C10orf90: variants seen among roughly 807,000 people sequenced by gnomAD.
The protein encoded by C10orf90 is (E2-independent) E3 ubiquitin-conjugating enzyme FATS.
A neutral mutation model predicts 62.5 loss-of-function variants in C10orf90; 56 were observed. The observed-to-expected ratio is 0.90, with a 90% CI of 0.72 to 1.12. The LOEUF (loss-of-function observed/expected upper bound fraction) is 1.12, where lower values mean the gene tolerates loss of function less well. Ranked by LOEUF, C10orf90 falls within the 50% of genes most tolerant of loss-of-function variation. The pLI is 0.00. For missense variants in C10orf90, 970 were observed against 880.4 expected (o/e 1.10, Z -1.29); for synonymous variants, 386 against 340.4 (o/e 1.13, Z -1.47).
At chr10:126,611,046 G>A (rs1379472897) in intron 2 of C10orf90, among the ~76,000 whole-genome samples, 1 of 152,058 alleles carries the variant, frequency 6.6e-6, no homozygotes, top group Non-Finnish European at 1.5e-5. Flanking sequence ...TGGTTTTTAA[G>A]TATATTCTCG....
chr10:126,464,603 G>C (rs575431312), intron 5 of C10orf90, 93 bp downstream of exon 5: 1 of 1,314,710 alleles, frequency 7.6e-7, no homozygotes, highest in Admixed American at 2.1e-5. Context: ...TCAGGTGAAC[G>C]GTGACAGTAT....
At chr10:126,542,586 A>G (rs562269858) in intron 2 of C10orf90, among the ~76,000 whole-genome samples, 18 of 152,226 alleles carry the variant, frequency 1.2e-4, no homozygotes, top group Non-Finnish European at 1.8e-4. Flanking sequence ...TAGCATTGCA[A>G]ATGCACTAAA....
At chr10:126,646,110 G>T (rs1308075226) in intron 2 of C10orf90, among the ~76,000 whole-genome samples, 2 of 152,180 alleles carry the variant, frequency 1.3e-5, no homozygotes, top group African/African-American at 4.8e-5. Context: ...TAAAAGTTAT[G>T]AACTGTAACC....
intron 2 of C10orf90, among the ~76,000 whole-genome samples, chr10:126,618,730 T>C (rs772681306): frequency 1.3e-5 from 2 of 152,212 alleles, no homozygotes; most frequent in African/African-American, 4.8e-5. Flanking sequence ...GGAATCACCA[T>C]GCTGACTTTT....
At chr10:126,445,642 G>A (rs1026741952) in intron 7 of C10orf90, among the ~76,000 whole-genome samples, 3 of 152,036 alleles carry the variant, frequency 2.0e-5, no homozygotes, top group African/African-American at 7.2e-5. Flanking sequence ...ACTATCGTTT[G>A]ATTCAGCAAT....
chr10:126,527,313 G>T (rs1206658829), intron 2 of C10orf90, among the ~76,000 whole-genome samples: 1 of 152,298 alleles, frequency 6.6e-6, no homozygotes, highest in East Asian at 1.9e-4. Flanking sequence ...AATGGCTAAT[G>T]ATGTGGAGCA....
chr10:126,553,309 G>T (rs957631917), intron 2 of C10orf90, among the ~76,000 whole-genome samples: 1 of 151,982 alleles, frequency 6.6e-6, no homozygotes, highest in South Asian at 2.1e-4. Flanking sequence ...GAAAAAGATA[G>T]AAAACACAAT....
In C10orf90 at chr10:126,426,297, A is replaced by G. The variant is rs78588187; in HGVS notation, c.2253-207T>C. ...CATAGCAGGGGATGGCACCTTGTCCAGTGCTACGTGGGGCAATGCAACAGG... is the reference window on the plus strand; with the variant it reads ...CATAGCAGGGGATGGCACCTTGTCCGGTGCTACGTGGGGCAATGCAACAGG... On this transcript the variant is annotated intron_variant, in intron 8 of 9. Coordinates refer to ENST00000488181, the MANE Select transcript of C10orf90 (RefSeq NM_001350921.2). Among the ~76,000 whole-genome samples the G allele has an allele frequency of 5.8e-3, 885 of 152,354 alleles. 7 individuals carry two copies. Among genetic ancestry groups the G allele is most frequent in the African/African-American group, 0.02 (836 of 41,592 alleles).
intron 4 of C10orf90, among the ~76,000 whole-genome samples, chr10:126,473,642 G>A (rs1270151517): frequency 6.8e-6 from 1 of 147,026 alleles, no homozygotes; most frequent in East Asian, 2.0e-4. Flanking sequence ...CCCACCTCTG[G>A]ATTTTTATTT....
intron 2 of C10orf90, among the ~76,000 whole-genome samples, chr10:126,624,357 G>A (rs1212737335): frequency 6.6e-6 from 1 of 152,046 alleles, no homozygotes; most frequent in Non-Finnish European, 1.5e-5. Context: ...AAAAAAAAGA[G>A]AGAGAGACTC....
At chr10:126,579,521 A>G (rs2134013820) in intron 2 of C10orf90, among the ~76,000 whole-genome samples, 1 of 152,252 alleles carries the variant, frequency 6.6e-6, no homozygotes, top group East Asian at 1.9e-4. Flanking sequence ...GCTTAAAGGC[A>G]TGAGCCACCG....
At chr10:126,519,161 TA>T (rs1173504926) in intron 2 of C10orf90, among the ~76,000 whole-genome samples, 1 of 151,828 alleles carries the variant, frequency 6.6e-6, no homozygotes. Context: ...TGGGTTTAGA[TA>T]AAGGTGAACA....
In C10orf90 at chr10:126,503,894, C is replaced by A. The variant is rs955765502; in HGVS notation, c.1534+63G>T. On this transcript the variant is annotated intron_variant, in intron 4 of 9. Transcript: ENST00000488181. ...ATAAGTTTTGTATAAGAAATTCACTCAACAGTCACCTTGCTAGGACATTTA... is the reference window on the plus strand; with the variant it reads ...ATAAGTTTTGTATAAGAAATTCACTAAACAGTCACCTTGCTAGGACATTTA... 2.6e-6 allele frequency: 4 copies of A among 1,530,156 alleles called. No individual in the cohort carries two copies. In the Middle Eastern group the frequency reaches 7.4e-4, roughly 282 times the overall value. 94.8% of individuals were successfully genotyped at this position (1,530,156 alleles called of 1,614,324 possible). A position where few individuals can be genotyped will look rare whatever the true frequency, so the allele number is the denominator to read the frequency against.
chr10:126,486,990 A>G (rs1446101310), intron 4 of C10orf90, among the ~76,000 whole-genome samples: 1 of 151,740 alleles, frequency 6.6e-6, no homozygotes, highest in African/African-American at 2.4e-5. Context: ...TAAAAATACA[A>G]AAAAAGTAGC....
chr10:126,477,120 G>GTTTT (rs1860930541), intron 4 of C10orf90, among the ~76,000 whole-genome samples: 1 of 87,500 alleles, frequency 1.1e-5, no homozygotes, highest in Non-Finnish European at 2.2e-5. Context: ...TTTTTTTTTG[G>GTTTT]ATTTTTGGAG....
intron 4 of C10orf90, among the ~76,000 whole-genome samples, chr10:126,489,272 C>A (rs562591660): frequency 1.3e-5 from 2 of 151,930 alleles, no homozygotes; most frequent in South Asian, 4.2e-4. Context: ...GAAAGAAAAT[C>A]CCATTATTAT....
chr10:126,435,109 G>T (rs1335414300), intron 7 of C10orf90, among the ~76,000 whole-genome samples: 2 of 152,210 alleles, frequency 1.3e-5, no homozygotes, highest in Non-Finnish European at 2.9e-5. Flanking sequence ...ATAGCAGCTT[G>T]TTTCAGAACC....
At chr10:126,659,937 G>A (rs921198032) in intron 1 of C10orf90, among the ~76,000 whole-genome samples, 4 of 152,230 alleles carry the variant, frequency 2.6e-5, no homozygotes, top group Non-Finnish European at 2.9e-5. Context: ...TCCCACAAAC[G>A]TCTACTGAGT....
intron 4 of C10orf90, among the ~76,000 whole-genome samples, chr10:126,476,828 T>C (rs1319455765): frequency 6.6e-6 from 1 of 152,088 alleles, no homozygotes; most frequent in Admixed American, 6.5e-5. Context: ...ACCGTGAATA[T>C]TTGTACCTAG....
Sources: allele counts gnomAD v4.1 joint callset (sites outside exome capture counted in the v4.1 genomes callset), GRCh38; gene constraint gnomAD v4.1.1; transcripts MANE v1.5; gene names NCBI Gene and HGNC (gene_info 2026-07-23, HGNC 2026-07-21).